CA10: variants seen among roughly 807,000 people sequenced by gnomAD.
The protein encoded by CA10 is carbonic anhydrase 10 (inactive).
A neutral mutation model predicts 44.2 loss-of-function variants in CA10; 14 were observed. The observed-to-expected ratio is 0.32, with a 90% CI of 0.21 to 0.50. The LOEUF is 0.50. Among genes scored for constraint, CA10 ranks in the 20% least tolerant of loss-of-function variants. The probability of loss-of-function intolerance (pLI) is 0.99; values close to 1 mark genes in which losing one functional copy is unlikely to be tolerated. For missense variants in CA10, 350 were observed against 409.7 expected, an observed-to-expected ratio of 0.85 and a Z score of 1.26; for synonymous variants, 159 against 141.6, an observed-to-expected ratio of 1.12 and a Z score of -0.87.
At chr17:51,962,938 C>T (rs891252814) in intron 2 of CA10, among the ~76,000 whole-genome samples, 2 of 152,076 alleles carry the variant, frequency 1.3e-5, no homozygotes, top group African/African-American at 4.8e-5. Context: ...AATGGAAATT[C>T]AGAAATGACA....
intron 2 of CA10, among the ~76,000 whole-genome samples, chr17:52,058,702 T>A (rs567743538): frequency 1.3e-5 from 2 of 152,314 alleles, no homozygotes; most frequent in East Asian, 3.9e-4. Context: ...AGATGCCTAT[T>A]CATCTTTTAA....
chr17:52,104,290 C>T (rs956333887), intron 1 of CA10, among the ~76,000 whole-genome samples: 1 of 151,912 alleles, frequency 6.6e-6, no homozygotes, highest in East Asian at 1.9e-4. Flanking sequence ...CTTGGCCTCC[C>T]GGGTTCAAGC....
chr17:52,079,431 C>G lies in CA10; in HGVS notation c.62-7038G>C, dbSNP rs147367261. Among the ~76,000 whole-genome samples, 181 of 151,024 alleles carry G rather than the reference C, an allele frequency of 1.2e-3. 5 individuals are homozygous for G. The South Asian group carries it at 0.022, about 18-fold the overall frequency. ...CAGAGATCACACCACTGCACCCCAGCCTGGGGGACAGAGCGAGACTCCGTC... is the reference window on the plus strand; with the variant it reads ...CAGAGATCACACCACTGCACCCCAGGCTGGGGGACAGAGCGAGACTCCGTC... On this transcript the variant is annotated intron_variant, in intron 1 of 8. Transcript: ENST00000451037.
intron 3 of CA10, among the ~76,000 whole-genome samples, chr17:51,910,302 CCTT>C (rs1981737063): frequency 7.4e-6 from 1 of 135,014 alleles, no homozygotes; most frequent in South Asian, 2.3e-4. Flanking sequence ...AACAAAATAT[CCTT>C]CTACCAATGG....
chr17:51,986,432 G>C (rs1445231023), intron 2 of CA10, among the ~76,000 whole-genome samples: 1 of 152,074 alleles, frequency 6.6e-6, no homozygotes, highest in Non-Finnish European at 1.5e-5. Flanking sequence ...AATCCTTGTA[G>C]ATGTTGGCTT....
At chr17:51,890,644 A>G (rs75697321) in intron 3 of CA10, among the ~76,000 whole-genome samples, 1 of 152,234 alleles carries the variant, frequency 6.6e-6, no homozygotes, top group Non-Finnish European at 1.5e-5. Context: ...AGTGAACAGT[A>G]TATTAAAGCA....
At chr17:51,757,481 A>G (rs1021205995) in intron 3 of CA10, among the ~76,000 whole-genome samples, 2 of 152,226 alleles carry the variant, frequency 1.3e-5, no homozygotes, top group East Asian at 1.9e-4. Context: ...ACAAGTAGCA[A>G]ACCCAAGATT....
intron 3 of CA10, among the ~76,000 whole-genome samples, chr17:51,805,510 C>T (rs1907095281): frequency 1.3e-5 from 2 of 152,178 alleles, no homozygotes; most frequent in East Asian, 3.9e-4. Context: ...CTTATGGGTG[C>T]CTGGGCCCCA....
chr17:52,150,286 A>G (rs1464932947), intron 1 of CA10, among the ~76,000 whole-genome samples: 1 of 152,040 alleles, frequency 6.6e-6, no homozygotes, highest in Non-Finnish European at 1.5e-5. Context: ...TACCCCTCCT[A>G]CTTTCAGGAT....
rs150373926 is a variant in CA10 at position 51,694,965 on chromosome 17, A to G, written c.466-41229T>C. On this transcript the variant is annotated intron_variant, in intron 4 of 8. Transcript: ENST00000451037. ...CCACTTTGTTGCATATCAGTTAGCCATGGGTGTATGGCTTATTTCTAAGTT... is the reference window on the plus strand; with the variant it reads ...CCACTTTGTTGCATATCAGTTAGCCGTGGGTGTATGGCTTATTTCTAAGTT... Among the ~76,000 whole-genome samples, 750 of 152,178 alleles carry G rather than the reference A, an allele frequency of 4.9e-3. 9 individuals are homozygous for G. The highest frequency in any genetic ancestry group is 0.017 in the African/African-American group (712 of 41,530).
chr17:51,948,591 A>G (rs946853126), intron 2 of CA10, among the ~76,000 whole-genome samples: 4 of 152,126 alleles, frequency 2.6e-5, no homozygotes, highest in African/African-American at 9.7e-5. Flanking sequence ...CAGCTTCTAA[A>G]TTCTTTTCCC....
chr17:52,040,145 CTTTTTTT>C lies in CA10; in HGVS notation c.136+32167_136+32173del, dbSNP rs200635464. 1.3e-3 allele frequency among the ~76,000 whole-genome samples: 185 copies of C among 139,058 alleles called. 2 individuals carry two copies. Among genetic ancestry groups the C allele is most frequent in the Middle Eastern group, 3.9e-3 (1 of 258 alleles). 91.2% of individuals were successfully genotyped at this position (139,058 alleles called of 152,430 possible). A position where few individuals can be genotyped will look rare whatever the true frequency, so the allele number is the denominator to read the frequency against. On this transcript the variant is annotated intron_variant, in intron 2 of 8. Transcript: ENST00000451037. ...ATCCCCTTTTTCCTTTCTTTTTTTT[CTTTTTTT>C]TTTTTTTGGAGTCATTCTCAAGTCA...
At chr17:52,054,981 C>G (rs1987184252) in intron 2 of CA10, among the ~76,000 whole-genome samples, 1 of 151,994 alleles carries the variant, frequency 6.6e-6, no homozygotes, top group Non-Finnish European at 1.5e-5. Context: ...TTGTTCTTAG[C>G]ATTTACAGAT....
intron 4 of CA10, among the ~76,000 whole-genome samples, chr17:51,726,570 G>T (rs1376433274): frequency 6.6e-6 from 1 of 152,056 alleles, no homozygotes; most frequent in East Asian, 1.9e-4. Flanking sequence ...TTTTAAATTT[G>T]CCAGTTGAAA....
intron 2 of CA10, among the ~76,000 whole-genome samples, chr17:51,988,919 T>C (rs1005612427): frequency 2.0e-5 from 3 of 152,036 alleles, no homozygotes; most frequent in Non-Finnish European, 4.4e-5. Context: ...TATTTCACCT[T>C]TTTTTGGATG....
intron 2 of CA10, among the ~76,000 whole-genome samples, chr17:51,999,348 A>G (rs2144116896): frequency 6.6e-6 from 1 of 152,150 alleles, no homozygotes; most frequent in Non-Finnish European, 1.5e-5. Context: ...GTGTTGCGGC[A>G]ATGTAGCTAA....
intron 3 of CA10, among the ~76,000 whole-genome samples, chr17:51,900,330 G>T (rs1199047552): frequency 6.6e-6 from 1 of 152,098 alleles, no homozygotes; most frequent in Non-Finnish European, 1.5e-5. Context: ...AGAATTTCCT[G>T]TCTTTAAGAA....
chr17:51,701,405 C>T (rs1282309177), intron 4 of CA10, among the ~76,000 whole-genome samples: 1 of 152,152 alleles, frequency 6.6e-6, no homozygotes, highest in African/African-American at 2.4e-5. Context: ...AATAAGGTCA[C>T]GTTCAGAGGT....
chr17:52,146,566 T>C (rs1423690604), intron 1 of CA10, among the ~76,000 whole-genome samples: 1 of 151,932 alleles, frequency 6.6e-6, no homozygotes. Flanking sequence ...GGCGGGCGCC[T>C]GTAGTCCCAG....
Sources: gnomAD v4.1 joint callset for allele counts (sites outside exome capture counted in the v4.1 genomes callset) on GRCh38, gnomAD v4.1.1 for gene constraint, MANE v1.5 for transcripts, NCBI Gene and HGNC (gene_info 2026-07-23, HGNC 2026-07-21) for gene names.